P2RY6: variants seen among roughly 807,000 people sequenced by gnomAD.
The protein encoded by P2RY6 is P2Y purinoceptor 6.
In P2RY6, 19 loss-of-function variants were observed where a neutral mutation model predicts 16.3. The ratio of observed to expected loss-of-function variants is 1.16; its 90% CI spans 0.81 to 1.71. The LOEUF is 1.71. P2RY6 is among the 40% of genes most tolerant of loss of function. P2RY6 has a pLI of 0.00. For missense variants in P2RY6, 389 were observed against 455.5 expected (o/e 0.85, Z 1.33); for synonymous variants, 184 against 201.5 (o/e 0.91, Z 0.74).
chr11:73,293,768 T>A lies in P2RY6; in HGVS notation c.-120-1962T>A, dbSNP rs112410931. 4.8e-3 allele frequency among the ~76,000 whole-genome samples: 729 copies of A among 151,890 alleles called. 8 individuals carry two copies. The highest frequency in any genetic ancestry group is 0.017 in the African/African-American group (707 of 41,418). ...TCCTTCCAAGAGGGAGGGGAGGGGG[T>A]CCCAGGAGGATCAGTCTCACCAGGG... is the stretch of plus-strand genomic sequence containing the variant. On this transcript the variant is annotated intron_variant, in intron 1 of 2. Coordinates refer to ENST00000540124, the MANE Select transcript of P2RY6 (RefSeq NM_001277204.2).
upstream of P2RY6, chr11:73,271,508 T>C (rs1266256690): frequency 6.6e-6 from 1 of 152,192 alleles, no homozygotes; most frequent in Non-Finnish European, 1.5e-5. Context: ...GGGTACATGA[T>C]AGGGACTGCG....
intron 1 of P2RY6, among the ~76,000 whole-genome samples, chr11:73,274,548 AAAAAAAAGAAAG>A (rs1009304972): frequency 2.0e-5 from 3 of 152,028 alleles, no homozygotes; most frequent in Admixed American, 6.5e-5. Context: ...CTCAAAAAAA[AAAAAAAAGAAAG>A]AAAGAAAGAA....
upstream of P2RY6, among the ~76,000 whole-genome samples, chr11:73,269,700 A>G (rs1472187219): frequency 6.6e-6 from 1 of 152,232 alleles, no homozygotes; most frequent in Non-Finnish European, 1.5e-5. Context: ...GCACAGGTAC[A>G]CATGGCTGAC....
intron 1 of P2RY6, chr11:73,292,786 CAG>C (rs1215376391): frequency 3.0e-6 from 3 of 985,158 alleles, no homozygotes; most frequent in Non-Finnish European, 3.6e-6. Flanking sequence ...TGCCAGGAAA[CAG>C]AGGAAGCTGC....
At chr11:73,272,302 C>T, upstream of P2RY6, 1 of 982,170 alleles carries the variant, frequency 1.0e-6, no homozygotes, top group Non-Finnish European at 1.2e-6. Flanking sequence ...ACTTCCTCTC[C>T]CCAGGTCTCT....
chr11:73,271,191 G>A (rs138226811), upstream of P2RY6, among the ~76,000 whole-genome samples: 421 of 152,236 alleles, frequency 2.8e-3, 1 homozygote, highest in Non-Finnish European at 3.7e-3. Context: ...AGAGCCGCCC[G>A]GGCTGCCTTC....
chr11:73,268,421 C>G (rs149325655), upstream of P2RY6, among the ~76,000 whole-genome samples: 4 of 152,086 alleles, frequency 2.6e-5, no homozygotes, highest in East Asian at 7.7e-4. Context: ...ACCAGGAGTT[C>G]GATACCAGCC....
intron 1 of P2RY6, among the ~76,000 whole-genome samples, chr11:73,281,989 G>T (rs1863783313): frequency 6.6e-6 from 1 of 152,188 alleles, no homozygotes; most frequent in Non-Finnish European, 1.5e-5. Flanking sequence ...TGGACACAGA[G>T]ATGGGAGGCT....
chr11:73,293,740 G>A, intron 1 of P2RY6, among the ~76,000 whole-genome samples: 1 of 152,192 alleles, frequency 6.6e-6, no homozygotes, highest in Non-Finnish European at 1.5e-5. Context: ...GCAGCCCCCT[G>A]CCTCCTTCCA....
At chr11:73,289,028 T>C (rs1300263087) in intron 1 of P2RY6, among the ~76,000 whole-genome samples, 2 of 152,198 alleles carry the variant, frequency 1.3e-5, no homozygotes, top group African/African-American at 4.8e-5. Context: ...AGACAGTGAC[T>C]CAGGCTTCCA....
intron 1 of P2RY6, among the ~76,000 whole-genome samples, chr11:73,288,764 G>C (rs1446708959): frequency 2.0e-5 from 3 of 152,202 alleles, no homozygotes; most frequent in African/African-American, 4.8e-5. Flanking sequence ...GTTTACCCAG[G>C]CTCAGAGAGG....
intron 1 of P2RY6, among the ~76,000 whole-genome samples, chr11:73,266,624 T>A (rs781074513): frequency 3.3e-5 from 5 of 152,244 alleles, no homozygotes; most frequent in African/African-American, 4.8e-5. Context: ...CAAGTGCCCC[T>A]GTTCCTGTTG....
At chr11:73,290,303 A>G (rs141570476) in intron 1 of P2RY6, among the ~76,000 whole-genome samples, 3,051 of 113,004 alleles carry the variant, frequency 0.027, 53 homozygotes, top group African/African-American at 0.04. Context: ...AGAAAGAAAG[A>G]AAAGAAAGAA....
intron 1 of P2RY6, among the ~76,000 whole-genome samples, chr11:73,282,428 C>G (rs1266467700): frequency 6.6e-6 from 1 of 152,196 alleles, no homozygotes; most frequent in East Asian, 1.9e-4. Flanking sequence ...TGGGCCTGGC[C>G]CTAATGACCC....
In P2RY6 at chr11:73,296,817, G is replaced by A. The variant is rs201497467; in HGVS notation, c.299G>A (p.Arg100His). The change falls in exon 3 of 3, where the codon CGC becomes CAC. Residue 100 changes from arginine (R) to histidine (H), a missense_variant. Coordinates refer to ENST00000540124, the MANE Select transcript of P2RY6 (RefSeq NM_001277204.2). ...DHWPFGDFAC[R>H]LVRFLFYANL... ...TGGCCCTTTGGCGACTTCGCCTGCCGCCTGGTCCGCTTCCTCTTCTATGCC... is the reference window on the plus strand; with the variant it reads ...TGGCCCTTTGGCGACTTCGCCTGCCACCTGGTCCGCTTCCTCTTCTATGCC... 123 of 1,610,382 alleles carry A rather than the reference G, an allele frequency of 7.6e-5. No homozygotes were observed. The highest frequency in any genetic ancestry group is 6.5e-4 in the East Asian group (29 of 44,878).
At chr11:73,272,602 C>A in intron 1 of P2RY6, 136 bp downstream of exon 1, 1 of 639,794 alleles carries the variant, frequency 1.6e-6, no homozygotes. Context: ...GCACTGGGGT[C>A]CTCCTCCTTC....
At chr11:73,290,303 A>AAAGAAAAGAAAGAAAG (rs1260016714) in intron 1 of P2RY6, among the ~76,000 whole-genome samples, 8 of 113,112 alleles carry the variant, frequency 7.1e-5, no homozygotes, top group African/African-American at 1.2e-4. Flanking sequence ...AGAAAGAAAG[A>AAAGAAAAGAAAGAAAG]AAAGAAAGAA....
intron 1 of P2RY6, among the ~76,000 whole-genome samples, chr11:73,289,622 G>T (rs1046130192): frequency 1.3e-5 from 2 of 152,264 alleles, no homozygotes; most frequent in African/African-American, 4.8e-5. Flanking sequence ...GCTGTGTGAC[G>T]GAACGGGGCT....
At chr11:73,274,713 G>A (rs1050930922) in intron 1 of P2RY6, among the ~76,000 whole-genome samples, 1 of 152,188 alleles carries the variant, frequency 6.6e-6, no homozygotes, top group Non-Finnish European at 1.5e-5. Flanking sequence ...CCAGAGCTCT[G>A]AACCTAGCTT....
Sources: allele counts gnomAD v4.1 joint callset (sites outside exome capture counted in the v4.1 genomes callset), GRCh38; gene constraint gnomAD v4.1.1; transcripts MANE v1.5; gene names NCBI Gene and HGNC (gene_info 2026-07-23, HGNC 2026-07-21).